NT5C2: variants seen among roughly 807,000 people sequenced by gnomAD.
The protein encoded by NT5C2 is cytosolic purine 5'-nucleotidase.
A neutral mutation model predicts 76.1 loss-of-function variants in NT5C2; 58 were observed. The observed-to-expected ratio is 0.76, with a 90% confidence interval of 0.62 to 0.95. The LOEUF (loss-of-function observed/expected upper bound fraction) is 0.95, where lower values mean the gene tolerates loss of function less well. NT5C2 is among the 40% of genes least tolerant of loss of function. NT5C2 has a pLI of 0.00. For synonymous variants in NT5C2, 229 were observed against 237.4 expected, an observed-to-expected ratio of 0.96 and a Z score of 0.32; for missense variants, 478 against 690.3, an observed-to-expected ratio of 0.69 and a Z score of 3.45.
Position 103,091,613 on chromosome 10 carries a change from G to A in NT5C2, c.1162C>T (p.Leu388Phe), listed in dbSNP as rs763574435. ...TCCAAGCTCTGAAGTTCTTCGAAAA[G>A]TGCTAGTTAAGGTTTGGAAGGAAAA... Reference protein sequence around the residue: ...ELHVWTDKSSLFEELQSLDIF... With the variant: ...ELHVWTDKSSFFEELQSLDIF... The change falls in exon 16 of 19, where the codon CTT (leucine) becomes TTT (phenylalanine). Residue 388 changes from leucine (L) to phenylalanine (F), a missense_variant and splice_region_variant. Coordinates refer to ENST00000404739, the MANE Select transcript of NT5C2 (RefSeq NM_001351169.2). 6.2e-7 allele frequency: 1 copy of A among 1,612,904 alleles called. No individual in the cohort carries two copies. The highest frequency in any genetic ancestry group is 2.2e-5 in the East Asian group (1 of 44,858).
chr10:103,145,766 T>A (rs1335693553), intron 3 of NT5C2, among the ~76,000 whole-genome samples: 6 of 152,166 alleles, frequency 3.9e-5, no homozygotes, highest in Admixed American at 6.5e-5. Flanking sequence ...AGGAACACTC[T>A]AAAACGAAGC....
At chr10:103,142,887 G>T (rs771854224) in intron 3 of NT5C2, among the ~76,000 whole-genome samples, 25 of 151,500 alleles carry the variant, frequency 1.7e-4, no homozygotes, top group Middle Eastern at 3.2e-3. Flanking sequence ...GGAGGCTGAG[G>T]TAGGAGAACT....
At chr10:103,137,825 T>C (rs1049402553) in intron 4 of NT5C2, among the ~76,000 whole-genome samples, 7 of 152,200 alleles carry the variant, frequency 4.6e-5, no homozygotes, top group East Asian at 3.8e-4. Flanking sequence ...GATTAATACA[T>C]TGACTCTTTC....
At chr10:103,153,308 C>G (rs1251546663) in intron 3 of NT5C2, 3 of 1,281,768 alleles carry the variant, frequency 2.3e-6, no homozygotes, top group Non-Finnish European at 3.0e-6. Context: ...TAGACATTCT[C>G]AAAGATCTAC....
At position 103,192,111 on chromosome 10, in the gene NT5C2, A is replaced by G. The variant is rs571161831; in HGVS notation, c.-169+1125T>C. Among the ~76,000 whole-genome samples, 79 of 152,278 alleles carry G rather than the reference A, an allele frequency of 5.2e-4. 1 individual carries two copies. The highest frequency in any genetic ancestry group is 1.7e-3 in the South Asian group (8 of 4,830). Reference sequence around the variant, plus strand: ...TGAAACCTAAAGCCTTCTCTACGCAATAACACTAAGTTTTCATGGTAAATG... The same window carrying G: ...TGAAACCTAAAGCCTTCTCTACGCAGTAACACTAAGTTTTCATGGTAAATG... On this transcript the variant is annotated intron_variant, in intron 1 of 18. Transcript: ENST00000404739.
At chr10:103,137,447 G>C (rs900812729) in intron 4 of NT5C2, among the ~76,000 whole-genome samples, 1 of 152,122 alleles carries the variant, frequency 6.6e-6, no homozygotes, top group Admixed American at 6.5e-5. Context: ...TACTTGTTTG[G>C]TAAAAAAATC....
At chr10:103,112,770 A>G (rs1455767480) in intron 4 of NT5C2, among the ~76,000 whole-genome samples, 1 of 152,168 alleles carries the variant, frequency 6.6e-6, no homozygotes, top group Non-Finnish European at 1.5e-5. Flanking sequence ...AAGAATAGTC[A>G]TTTGCTTTTA....
chr10:103,129,574 G>T (rs2077572015), intron 4 of NT5C2, among the ~76,000 whole-genome samples: 1 of 126,788 alleles, frequency 7.9e-6, no homozygotes, highest in Admixed American at 7.4e-5. Flanking sequence ...GGAGGGAGGT[G>T]GGGGTGTCAG....
At chr10:103,095,880 G>A in intron 12 of NT5C2, 59 bp downstream of exon 12, 1 of 1,458,508 alleles carries the variant, frequency 6.9e-7, no homozygotes, top group Non-Finnish European at 9.6e-7. Flanking sequence ...TAATATTCCA[G>A]AATGATTAAA....
At chr10:103,164,692 GAATA>G (rs1348781834) in intron 3 of NT5C2, among the ~76,000 whole-genome samples, 1 of 152,100 alleles carries the variant, frequency 6.6e-6, no homozygotes, top group Non-Finnish European at 1.5e-5. Context: ...ACAAAAACAT[GAATA>G]AATCTCTCTC....
chr10:103,099,047 TAAG>T, intron 9 of NT5C2, 63 bp from the exon 10 acceptor site: 1 of 1,347,772 alleles, frequency 7.4e-7, no homozygotes, highest in Non-Finnish European at 1.0e-6. Flanking sequence ...ATGTAGTTTA[TAAG>T]AAAAATGGTT....
intron 1 of NT5C2, among the ~76,000 whole-genome samples, chr10:103,184,041 C>T (rs2091688164): frequency 6.6e-6 from 1 of 151,890 alleles, no homozygotes. Context: ...CAACCTCCGC[C>T]TCCCAGATTC....
chr10:103,181,937 G>A (rs774530290), intron 1 of NT5C2, among the ~76,000 whole-genome samples: 6 of 151,792 alleles, frequency 4.0e-5, no homozygotes, highest in Middle Eastern at 3.2e-3. Flanking sequence ...TCCCACCCGG[G>A]AGGCGGAGGT....
At chr10:103,133,220 T>C (rs924071941) in intron 4 of NT5C2, among the ~76,000 whole-genome samples, 2 of 152,172 alleles carry the variant, frequency 1.3e-5, no homozygotes, top group Non-Finnish European at 2.9e-5. Flanking sequence ...CCTTTCACCT[T>C]CCACCATGAT....
chr10:103,117,835 A>G (rs1041208461), intron 4 of NT5C2, among the ~76,000 whole-genome samples: 8 of 152,200 alleles, frequency 5.3e-5, no homozygotes, highest in South Asian at 2.1e-4. Flanking sequence ...TCAACAGGTG[A>G]TGAATTTAAT....
chr10:103,153,226 A>C, intron 3 of NT5C2: 1 of 1,147,776 alleles, frequency 8.7e-7, no homozygotes, highest in East Asian at 6.3e-5. Flanking sequence ...TTAATCTTTT[A>C]ATTCATGCAG....
At chr10:103,161,725 T>TA (rs981968154) in intron 3 of NT5C2, among the ~76,000 whole-genome samples, 8 of 148,394 alleles carry the variant, frequency 5.4e-5, no homozygotes, top group South Asian at 2.1e-4. Context: ...CTCCAACTCT[T>TA]AAAAAAAAAA....
chr10:103,121,416 A>C (rs1396296813), intron 4 of NT5C2, among the ~76,000 whole-genome samples: 1 of 152,272 alleles, frequency 6.6e-6, no homozygotes, highest in African/African-American at 2.4e-5. Flanking sequence ...CAATGCCAGT[A>C]AGTTTGGTGA....
At chr10:103,141,308 A>G (rs1000045954) in intron 3 of NT5C2, among the ~76,000 whole-genome samples, 1 of 152,150 alleles carries the variant, frequency 6.6e-6, no homozygotes, top group Non-Finnish European at 1.5e-5. Flanking sequence ...AAATACAAAA[A>G]TCAGCTGGGG....
Sources: allele counts gnomAD v4.1 joint callset (sites outside exome capture counted in the v4.1 genomes callset), GRCh38; gene constraint gnomAD v4.1.1; transcripts MANE v1.5; gene names NCBI Gene and HGNC (gene_info 2026-07-23, HGNC 2026-07-21).